Variants in CFAP92 observed in about 807,000 individuals in gnomAD.
CFAP92 encodes cilia and flagella associated protein 92 (putative), also known as uncharacterized protein CFAP92.
CFAP92 carries 86 observed loss-of-function variants against 106.3 expected under a neutral mutation model. That is an observed-to-expected ratio of 0.81 (90% confidence interval 0.68 to 0.97). CFAP92 has a LOEUF of 0.97. Among genes scored for constraint, CFAP92 ranks in the 50% least tolerant of loss-of-function variants. The pLI, the probability that CFAP92 is intolerant of heterozygous loss-of-function variation, is 0.00. For synonymous variants in CFAP92, 477 were observed against 506.4 expected, an observed-to-expected ratio of 0.94 and a Z score of 0.78; for missense variants, 1,204 against 1,283.8, an observed-to-expected ratio of 0.94 and a Z score of 0.95.
chr3:128,981,974 G>A (rs1943563764), intron 4 of CFAP92, among the ~76,000 whole-genome samples: 3 of 152,182 alleles, frequency 2.0e-5, no homozygotes, highest in Admixed American at 1.3e-4. Flanking sequence ...TAGAGCACAG[G>A]CAGACTTAGC....
At chr3:128,918,940 A>ATTTTTTTTTTTTTT (rs10573280) in intron 12 of CFAP92, among the ~76,000 whole-genome samples, 9 of 105,872 alleles carry the variant, frequency 8.5e-5, no homozygotes, top group African/African-American at 3.4e-4. Flanking sequence ...CTCAGATTGG[A>ATTTTTTTTTTTTTT]TTTTTTTTTT....
intron 8 of CFAP92, chr3:128,968,331 C>G (rs1025280359): frequency 1.3e-5 from 2 of 152,128 alleles, no homozygotes; most frequent in African/African-American, 4.8e-5. Context: ...ACTAGCCAAC[C>G]AATATTTACT....
chr3:128,910,794 CCT>C lies in CFAP92; in HGVS notation c.3281-463_3281-462del. The C allele has an allele frequency of 6.2e-7, 1 of 1,614,204 alleles. No homozygotes were observed. The highest frequency in any genetic ancestry group is 8.5e-7 in the Non-Finnish European group (1 of 1,180,046). On this transcript the variant is annotated intron_variant, in intron 15 of 15. Coordinates refer to ENST00000645291, the MANE Select transcript of CFAP92 (RefSeq NM_001394090.1). The stretch of plus-strand genomic sequence containing the variant: ...AAGCTTACTTGCAGAATCTCTTCAG[CCT>C]CTCTCAGCTGGACAAGTGTGAGTGG...
At chr3:129,002,037 C>A in intron 1 of CFAP92, 1 of 1,543,838 alleles carries the variant, frequency 6.5e-7, no homozygotes, top group Non-Finnish European at 8.7e-7. Context: ...GCGCGCCGAG[C>A]CGCCGGAGCT....
Position 128,945,977 on chromosome 3 carries a change from T to G in CFAP92, c.1354-2A>C. 1 of 1,428,312 alleles carries G rather than the reference T, an allele frequency of 7.0e-7. No homozygotes were observed. Among genetic ancestry groups the G allele is most frequent in the Non-Finnish European group, 9.1e-7 (1 of 1,097,056 alleles). 88.5% of individuals were successfully genotyped at this position (1,428,312 alleles called of 1,614,324 possible). On this transcript the variant is annotated splice_acceptor_variant, in intron 9 of 15. Coordinates refer to ENST00000645291, the MANE Select transcript of CFAP92 (RefSeq NM_001394090.1). LOFTEE classifies it high-confidence loss of function. ...GCAGTACACAGGCATGCACAGCCTC[T>G]ACGAGAGAGCAGGGCCACAGCAGGT...
the CFAP92 span, among the ~76,000 whole-genome samples, chr3:129,019,304 T>C: frequency 2.0e-5 from 3 of 152,262 alleles, no homozygotes; most frequent in South Asian, 2.1e-4. Context: ...TTTTGGGTGA[T>C]GAAGACAGGG....
chr3:129,024,547 A>G, the CFAP92 span, among the ~76,000 whole-genome samples: 20 of 152,262 alleles, frequency 1.3e-4, no homozygotes, highest in East Asian at 1.9e-4. Flanking sequence ...AAAGAAAAAA[A>G]AAAAGAAAAA....
intron 12 of CFAP92, among the ~76,000 whole-genome samples, chr3:128,920,815 C>T (rs578031541): frequency 6.6e-6 from 1 of 152,328 alleles, no homozygotes; most frequent in South Asian, 2.1e-4. Context: ...CCCCTCGTGG[C>T]CTCTGGAATG....
intron 1 of CFAP92, among the ~76,000 whole-genome samples, chr3:128,999,853 A>C (rs1018870078): frequency 1.2e-4 from 19 of 152,210 alleles, no homozygotes; most frequent in Admixed American, 1.2e-3. Flanking sequence ...AAGAAAAAGA[A>C]ACACATGAGA....
chr3:129,006,602 C>T (rs1454160085), upstream of CFAP92, among the ~76,000 whole-genome samples: 1 of 152,186 alleles, frequency 6.6e-6, no homozygotes, highest in African/African-American at 2.4e-5. Flanking sequence ...AGGTGTGAGC[C>T]ACTGTGCCCG....
At chr3:128,974,093 G>C (rs1286582854) in intron 7 of CFAP92, among the ~76,000 whole-genome samples, 2 of 152,228 alleles carry the variant, frequency 1.3e-5, no homozygotes, top group Non-Finnish European at 2.9e-5. Context: ...GTGTGACTTA[G>C]TCTTTGTGGA....
chr3:128,987,852 A>T (rs1273538262), intron 3 of CFAP92, 23 bp from the exon 4 acceptor site: 3 of 1,571,960 alleles, frequency 1.9e-6, no homozygotes, highest in East Asian at 4.6e-5. Context: ...ACATTCAGAG[A>T]TGTCAACTGG....
At chr3:129,004,389 A>G (rs1456866003), upstream of CFAP92, among the ~76,000 whole-genome samples, 1 of 25,862 alleles carries the variant, frequency 3.9e-5, no homozygotes, top group South Asian at 1.2e-3. Flanking sequence ...CCACCCATCC[A>G]TCCACTCACC....
chr3:128,966,091 GAA>G (rs1942342816), intron 8 of CFAP92, among the ~76,000 whole-genome samples: 1 of 152,218 alleles, frequency 6.6e-6, no homozygotes, highest in Non-Finnish European at 1.5e-5. Context: ...CAGGTAACTT[GAA>G]AACCAACGTT....
the CFAP92 span, among the ~76,000 whole-genome samples, chr3:129,025,771 C>T: frequency 6.6e-6 from 1 of 152,310 alleles, no homozygotes; most frequent in South Asian, 2.1e-4. Context: ...TGAGGAAGCA[C>T]TTGTTCCATT....
chr3:128,958,049 C>T (rs1941583142), intron 9 of CFAP92, among the ~76,000 whole-genome samples: 1 of 152,128 alleles, frequency 6.6e-6, no homozygotes, highest in Admixed American at 6.5e-5. Context: ...ATAGTCTTCC[C>T]TCTACGTGTG....
At chr3:128,916,292 C>A in intron 12 of CFAP92, 21 bp from the exon 13 acceptor site, 1 of 1,231,380 alleles carries the variant, frequency 8.1e-7, no homozygotes, top group South Asian at 4.1e-5. Context: ...AGACACCAGT[C>A]ACTACCCACA....
At chr3:128,923,733 T>C (rs1937492699) in intron 12 of CFAP92, among the ~76,000 whole-genome samples, 1 of 152,212 alleles carries the variant, frequency 6.6e-6, no homozygotes, top group Non-Finnish European at 1.5e-5. Context: ...GAAAGACCTT[T>C]TGGATTCAAA....
At chr3:129,008,809 C>T in the CFAP92 span, among the ~76,000 whole-genome samples, 1 of 152,192 alleles carries the variant, frequency 6.6e-6, no homozygotes, top group Non-Finnish European at 1.5e-5. Context: ...CCCCTGCCTG[C>T]TGAGGTGCAC....
Sources: gnomAD v4.1 joint callset for allele counts (sites outside exome capture counted in the v4.1 genomes callset) on GRCh38, gnomAD v4.1.1 for gene constraint, MANE v1.5 for transcripts, NCBI Gene and HGNC (gene_info 2026-07-23, HGNC 2026-07-21) for gene names.